The following ARRDC5 variants were observed in gnomAD, a reference collection of about 807,000 sequenced individuals.
The protein encoded by ARRDC5 is arrestin domain containing 5.
A neutral mutation model predicts 13.3 loss-of-function variants in ARRDC5; 12 were observed. The observed-to-expected ratio is 0.90, with a 90% CI of 0.58 to 1.46. The LOEUF is 1.46. ARRDC5 is among the 40% of genes most tolerant of loss of function. The pLI is 0.00. For missense variants in ARRDC5, 406 were observed against 418.7 expected (o/e 0.97, Z 0.26); for synonymous variants, 181 against 173.4 (o/e 1.04, Z -0.34).
At chr19:4,904,001 G>A (rs1201809732), upstream of ARRDC5, among the ~76,000 whole-genome samples, 2 of 150,548 alleles carry the variant, frequency 1.3e-5, no homozygotes, top group Non-Finnish European at 3.0e-5. Context: ...TTTTGAGGTG[G>A]AATCTCACTC....
In ARRDC5 at chr19:4,902,658, G is replaced by A. The variant is rs750022310; in HGVS notation, c.168C>T (p.Ala56=). ...TTCTGCTATAATCACAGGATGCCCC[G>A]GCTTCTTCACTCCATTCGACGTAAC... is the stretch of plus-strand genomic sequence containing the variant. The part of the protein sequence containing the change: ...GRGYVEWSEE[A]GASCDYSRNV... Residue 56 remains alanine, a synonymous_variant, in exon 1 of 3, where the codon GCC becomes GCT. Transcript: ENST00000650722. 1.6e-5 allele frequency: 26 copies of A among 1,613,794 alleles called. No individual in the cohort carries two copies. The highest frequency in any genetic ancestry group is 1.9e-5 in the Non-Finnish European group (22 of 1,179,880).
At chr19:4,914,438 A>G in the ARRDC5 span, among the ~76,000 whole-genome samples, 1 of 152,168 alleles carries the variant, frequency 6.6e-6, no homozygotes, top group East Asian at 1.9e-4. Flanking sequence ...CTAGCAGCCC[A>G]AGGTCTGCAG....
chr19:4,905,783 C>T (rs1361290282), upstream of ARRDC5, among the ~76,000 whole-genome samples: 1 of 152,136 alleles, frequency 6.6e-6, no homozygotes, highest in Admixed American at 6.6e-5. Context: ...TCCCAAAGTT[C>T]TGGGATTACA....
upstream of ARRDC5, among the ~76,000 whole-genome samples, chr19:4,907,704 C>CTTTTTTT (rs59867968): frequency 8.4e-5 from 4 of 47,704 alleles, no homozygotes; most frequent in African/African-American, 1.0e-4. Flanking sequence ...TTGGCCTGAT[C>CTTTTTTT]TTTTTTTTTT....
intron 2 of ARRDC5, 129 bp from the exon 3 acceptor site, chr19:4,891,702 A>C (rs1268798521): frequency 3.8e-6 from 3 of 787,716 alleles, no homozygotes; most frequent in African/African-American, 1.7e-5. Context: ...CACGCCTATA[A>C]TCCCAACACC....
At chr19:4,904,712 C>T (rs529796731), upstream of ARRDC5, among the ~76,000 whole-genome samples, 5 of 152,320 alleles carry the variant, frequency 3.3e-5, no homozygotes, top group South Asian at 6.2e-4. Flanking sequence ...TCAATGTCTG[C>T]GTGACCCAGG....
At chr19:4,907,931 C>T in the ARRDC5 span, among the ~76,000 whole-genome samples, 5 of 150,044 alleles carry the variant, frequency 3.3e-5, no homozygotes, top group East Asian at 2.0e-4. Flanking sequence ...AGGCTGGTCT[C>T]GAACTCCTGA....
intron 1 of ARRDC5, among the ~76,000 whole-genome samples, chr19:4,902,307 A>G (rs1008650104): frequency 5.3e-5 from 8 of 152,210 alleles, no homozygotes; most frequent in Non-Finnish European, 1.2e-4. Context: ...TCTCAAAGGC[A>G]GTTGTTGGAT....
intron 2 of ARRDC5, among the ~76,000 whole-genome samples, chr19:4,895,635 C>T (rs769261129): frequency 8.6e-5 from 13 of 152,030 alleles, no homozygotes; most frequent in Non-Finnish European, 1.8e-4. Flanking sequence ...CTCAGCCAAG[C>T]GGAGGCTGCA....
the ARRDC5 span, chr19:4,910,633 TC>T: frequency 2.5e-6 from 1 of 392,774 alleles, no homozygotes; most frequent in Non-Finnish European, 4.5e-6. Flanking sequence ...TTCTTTCAAT[TC>T]CCTCTTTTCA....
At chr19:4,894,934 G>A (rs1369957169) in intron 2 of ARRDC5, among the ~76,000 whole-genome samples, 3 of 151,976 alleles carry the variant, frequency 2.0e-5, no homozygotes, top group Non-Finnish European at 4.4e-5. Flanking sequence ...AATTGAATCT[G>A]GTTACATTGT....
chr19:4,913,782 C>T, the ARRDC5 span, among the ~76,000 whole-genome samples: 12 of 151,272 alleles, frequency 7.9e-5, no homozygotes, highest in East Asian at 2.3e-3. Flanking sequence ...GTTCCCTTAC[C>T]CTGTGGCTGT....
rs141670517 is a variant in ARRDC5 at position 4,898,764 on chromosome 19, C to T, written c.254-1888G>A. On this transcript the variant is annotated intron_variant, in intron 1 of 2. Transcript: ENST00000650722. ...GCCTCAGCGCCCCAAGTAGCTGGGA[C>T]TACAGGCGCGTGTCACCACACCTGG... 4.1e-3 allele frequency among the ~76,000 whole-genome samples: 606 copies of T among 148,680 alleles called. 1 individual carries two copies. The highest frequency in any genetic ancestry group is 0.014 in the Middle Eastern group (4 of 278).
In ARRDC5 at chr19:4,891,449, G is replaced by C. The variant is rs778433781; in HGVS notation, c.584C>G (p.Thr195Arg). 13 of 1,613,532 alleles carry C rather than the reference G, an allele frequency of 8.1e-6. No individual in the cohort carries two copies. The highest frequency in any genetic ancestry group is 5.0e-5 in the Admixed American group (3 of 59,986). Residue 195 changes from threonine (T) to arginine (R), a missense_variant, in exon 3 of 3, where the codon ACA becomes AGA. Coordinates refer to ENST00000650722, the MANE Select transcript of ARRDC5 (RefSeq NM_001080523.3). The stretch of plus-strand genomic sequence containing the variant: ...TTTGCTGGTCTGGTTGTTGATCTCT[G>C]TTGTGAAGACGACCTTCTCTCCTGG... ...FTPGEKVVFT[T>R]EINNQTSKCI...
In ARRDC5 at chr19:4,896,348, A is replaced by ATATTT. The variant is rs1407717173; in HGVS notation, c.459+322_459+323insAAATA. On this transcript the variant is annotated intron_variant, in intron 2 of 2. Transcript: ENST00000650722. ...AAAAAAAATATATATATATATATAT[A>ATATTT]TTTTTTTTTTTTTACACACACACAC... is the stretch of plus-strand genomic sequence containing the variant. 6.9e-3 allele frequency among the ~76,000 whole-genome samples: 412 copies of ATATTT among 59,556 alleles called. 17 individuals are homozygous for ATATTT. The highest frequency in any genetic ancestry group is 0.023 in the African/African-American group (356 of 15,670). The allele number at this position is 59,556 out of a possible 152,430, so 39.1% of individuals were successfully genotyped here.
chr19:4,911,581 G>T, the ARRDC5 span, among the ~76,000 whole-genome samples: 2 of 152,154 alleles, frequency 1.3e-5, no homozygotes, highest in Non-Finnish European at 2.9e-5. Flanking sequence ...GCTGTGCTGC[G>T]GCTGCTGCTG....
chr19:4,909,640 C>T, the ARRDC5 span: 5 of 572,552 alleles, frequency 8.7e-6, no homozygotes, highest in East Asian at 1.4e-4. Flanking sequence ...ACAAGCTGTT[C>T]GCGGCGACCG....
chr19:4,901,902 T>A (rs748745320), intron 1 of ARRDC5, among the ~76,000 whole-genome samples: 2 of 152,132 alleles, frequency 1.3e-5, no homozygotes, highest in Non-Finnish European at 2.9e-5. Context: ...TCTTTCTTTT[T>A]TTGAGAGGGA....
intron 1 of ARRDC5, among the ~76,000 whole-genome samples, chr19:4,897,523 T>G (rs1260050445): frequency 6.6e-6 from 1 of 152,102 alleles, no homozygotes; most frequent in Non-Finnish European, 1.5e-5. Flanking sequence ...ATATCTTTTT[T>G]TTTCTTTTTG....
Sources: gnomAD v4.1 joint callset for allele counts (sites outside exome capture counted in the v4.1 genomes callset) on GRCh38, gnomAD v4.1.1 for gene constraint, MANE v1.5 for transcripts, NCBI Gene and HGNC (gene_info 2026-07-23, HGNC 2026-07-21) for gene names.